ARRB1: variants seen among roughly 807,000 people sequenced by gnomAD.
The protein encoded by ARRB1 is arrestin beta 1.
In ARRB1, 21 loss-of-function variants were observed where a neutral mutation model predicts 56.8. That is an observed-to-expected ratio of 0.37 (90% CI 0.26 to 0.53). The LOEUF is 0.53. Ranked by LOEUF, ARRB1 falls within the 20% of genes least tolerant of loss-of-function variation. The pLI is 0.88. For synonymous variants in ARRB1, 210 were observed against 218.6 expected (o/e 0.96, Z 0.35); for missense variants, 424 against 553.7 (o/e 0.77, Z 2.35).
At chr11:75,328,923 G>A (rs1367353945) in intron 1 of ARRB1, among the ~76,000 whole-genome samples, 1 of 152,154 alleles carries the variant, frequency 6.6e-6, no homozygotes, top group Non-Finnish European at 1.5e-5. Context: ...TGAGTGGAAC[G>A]GGAACGGCTG....
intron 6 of ARRB1, 95 bp from the exon 7 acceptor site, chr11:75,281,237 G>C: frequency 8.3e-7 from 1 of 1,203,536 alleles, no homozygotes; most frequent in Non-Finnish European, 1.2e-6. Flanking sequence ...GAGGACACTG[G>C]ACAGGAACAC....
chr11:75,269,170 T>C (rs750175069), intron 13 of ARRB1: 1 of 740,126 alleles, frequency 1.4e-6, no homozygotes, highest in Non-Finnish European at 2.5e-6. Context: ...CAAAAAGAAA[T>C]GGAAGCCTCC....
intron 1 of ARRB1, among the ~76,000 whole-genome samples, chr11:75,346,975 G>T (rs551294213): frequency 1.3e-5 from 2 of 152,230 alleles, no homozygotes; most frequent in Non-Finnish European, 2.9e-5. Context: ...TGGTAGGCGC[G>T]GGCACTCTGG....
chr11:75,304,549 G>A lies in ARRB1; in HGVS notation c.21-14510C>T, dbSNP rs570731061. On this transcript the variant is annotated intron_variant, in intron 1 of 15. Transcript: ENST00000420843. ...TTTTTAAGAATTTTGTGAGGTAGTT[G>A]TTAAACACAGCCAGTACCGTTGGTT... Among the ~76,000 whole-genome samples, 4 of 151,772 alleles carry A rather than the reference G, an allele frequency of 2.6e-5. No individual in the cohort carries two copies. The South Asian group carries it at 6.2e-4, about 24-fold the overall frequency.
chr11:75,266,885 G>A lies in ARRB1; in HGVS notation c.1146-611C>T, dbSNP rs548684672. On this transcript the variant is annotated intron_variant, in intron 15 of 15. Coordinates refer to ENST00000420843, the MANE Select transcript of ARRB1 (RefSeq NM_004041.5). Reference sequence around the variant, plus strand: ...AGGAGGATGTGAATCTAAATAGGGGGGCAGAGGACCTGTTCGTGAGGAAAG... The same window carrying A: ...AGGAGGATGTGAATCTAAATAGGGGAGCAGAGGACCTGTTCGTGAGGAAAG... Among the ~76,000 whole-genome samples the A allele has an allele frequency of 3.3e-5, 5 of 152,278 alleles. No individual in the cohort carries two copies. The East Asian group carries it at 5.8e-4, about 18-fold the overall frequency.
In ARRB1 at chr11:75,336,512, G is replaced by A. The variant is rs550892322; in HGVS notation, c.20+15076C>T. Among the ~76,000 whole-genome samples the A allele has an allele frequency of 5.4e-4, 82 of 152,212 alleles. 1 individual carries two copies. Among genetic ancestry groups the A allele is most frequent in the South Asian group, 2.7e-3 (13 of 4,818 alleles). On this transcript the variant is annotated intron_variant, in intron 1 of 15. Coordinates refer to ENST00000420843, the MANE Select transcript of ARRB1 (RefSeq NM_004041.5). ...TCCTTCACTAATGCTTGCTTAATTCGTGGATATACCTACTCTACGAATCTT... is the reference window on the plus strand; with the variant it reads ...TCCTTCACTAATGCTTGCTTAATTCATGGATATACCTACTCTACGAATCTT...
intron 1 of ARRB1, among the ~76,000 whole-genome samples, chr11:75,295,935 A>G (rs1375019076): frequency 6.6e-6 from 1 of 152,190 alleles, no homozygotes; most frequent in Admixed American, 6.5e-5. Flanking sequence ...CTGTAATCCC[A>G]ACACTTTGGG....
At chr11:75,305,986 T>G (rs1947018622) in intron 1 of ARRB1, among the ~76,000 whole-genome samples, 2 of 152,110 alleles carry the variant, frequency 1.3e-5, no homozygotes, top group South Asian at 4.1e-4. Flanking sequence ...TCTGAGCACC[T>G]TCACCTTTAC....
Position 75,282,078 on chromosome 11 carries a change from T to G in ARRB1, c.355-57A>C, listed in dbSNP as rs769930912. The G allele has an allele frequency of 1.8e-5, 29 of 1,586,960 alleles. No homozygotes were observed. The East Asian group carries it at 6.5e-4, about 36-fold the overall frequency. ...TCACATCCACCACTGTCCTGTCTCATGTATTGCAGCCCAGACACTCCCATA... is the reference window on the plus strand; with the variant it reads ...TCACATCCACCACTGTCCTGTCTCAGGTATTGCAGCCCAGACACTCCCATA... On this transcript the variant is annotated intron_variant, in intron 5 of 15. Transcript: ENST00000420843.
At chr11:75,289,444 G>A (rs930297543) in intron 2 of ARRB1, among the ~76,000 whole-genome samples, 1 of 152,194 alleles carries the variant, frequency 6.6e-6, no homozygotes. Flanking sequence ...GTCTGCCTCT[G>A]CCATCTGGCT....
Position 75,342,697 on chromosome 11 carries a change from G to A in ARRB1, c.20+8891C>T, listed in dbSNP as rs112708754. Among the ~76,000 whole-genome samples the A allele has an allele frequency of 2.7e-3, 404 of 152,264 alleles. 1 individual carries two copies. The highest frequency in any genetic ancestry group is 9.0e-3 in the African/African-American group (375 of 41,554). On this transcript the variant is annotated intron_variant, in intron 1 of 15. Coordinates refer to ENST00000420843, the MANE Select transcript of ARRB1 (RefSeq NM_004041.5). ...TCAGTACATGACTGAGGATGAGGAT[G>A]AAGAATGGAGCGCGCCCTCCAGAGG... is the stretch of plus-strand genomic sequence containing the variant.
intron 15 of ARRB1, among the ~76,000 whole-genome samples, chr11:75,266,584 G>C (rs1292109298): frequency 6.6e-6 from 1 of 152,130 alleles, no homozygotes; most frequent in East Asian, 1.9e-4. Context: ...TTAGGAGGTG[G>C]GGGGAGCAGT....
chr11:75,284,758 C>G (rs1946432970), intron 3 of ARRB1, among the ~76,000 whole-genome samples: 1 of 152,016 alleles, frequency 6.6e-6, no homozygotes, highest in Non-Finnish European at 1.5e-5. Flanking sequence ...ACAAAAATAG[C>G]TGGGCATGGT....
chr11:75,265,895 G>A lies in ARRB1; in HGVS notation c.*268C>T. Reference sequence around the variant, plus strand: ...AGTCCAATTCCAAGGCCAGAGCCCTGGCAGCTTTTCTGGGAGACAGCATGA... The same window carrying A: ...AGTCCAATTCCAAGGCCAGAGCCCTAGCAGCTTTTCTGGGAGACAGCATGA... On this transcript the variant is annotated 3_prime_UTR_variant, in exon 16 of 16. Coordinates refer to ENST00000420843, the MANE Select transcript of ARRB1 (RefSeq NM_004041.5). The A allele has an allele frequency of 2.1e-6, 1 of 483,932 alleles. No individual in the cohort carries two copies. 30.0% of individuals were successfully genotyped at this position (483,932 alleles called of 1,614,324 possible).
intron 1 of ARRB1, 103 bp downstream of exon 1, chr11:75,351,485 G>A (rs1947850636): frequency 2.7e-6 from 4 of 1,466,362 alleles, no homozygotes; most frequent in East Asian, 2.9e-5. Flanking sequence ...TAGATCCCGC[G>A]GTGGCCGCGA....
rs368090391 is a variant in ARRB1, at chr11:75,267,774, G to A, written c.1094-71C>T. 411 of 1,361,348 alleles carry A rather than the reference G, an allele frequency of 3.0e-4. 1 individual carries two copies. The African/African-American group carries it at 4.1e-3, about 14-fold the overall frequency. The allele number at this position is 1,361,348 out of a possible 1,614,324, so 84.3% of individuals were successfully genotyped here. ...GATGAGCACGGGGCGAGTAAGCACA[G>A]GCCCCCACCCTGGGACAACCAGACT... On this transcript the variant is annotated intron_variant, in intron 14 of 15. Transcript: ENST00000420843.
At chr11:75,285,203 C>T (rs578141716) in intron 3 of ARRB1, among the ~76,000 whole-genome samples, 5 of 152,326 alleles carry the variant, frequency 3.3e-5, no homozygotes, top group South Asian at 2.1e-4. Flanking sequence ...GCTCCCGTGA[C>T]GACTGAATGG....
Position 75,278,722 on chromosome 11 carries a change from G to A in ARRB1, c.505C>T (p.Arg169Trp). ...CTCTCTGGGGCATACTGAACCTTCC[G>A]GATGACCAGACGCACAGAATTCCTA... The part of the protein sequence containing the change: ...HKRNSVRLVI[R>W]KVQYAPERPG... Residue 169 changes from arginine to tryptophan, a missense_variant, in exon 8 of 16, where the codon CGG becomes TGG. Physicochemically the swap from Arg to Trp is moderately radical, Grantham distance 101. Coordinates refer to ENST00000420843, the MANE Select transcript of ARRB1 (RefSeq NM_004041.5). 1.2e-6 allele frequency: 2 copies of A among 1,612,026 alleles called. No homozygotes were observed. Among genetic ancestry groups the A allele is most frequent in the East Asian group, 2.2e-5 (1 of 44,818 alleles).
intron 1 of ARRB1, among the ~76,000 whole-genome samples, chr11:75,299,576 C>G (rs1204850399): frequency 1.3e-5 from 2 of 152,104 alleles, no homozygotes; most frequent in Non-Finnish European, 2.9e-5. Context: ...TGAGATCCCT[C>G]CCCAGGCCTA....
Sources: gnomAD v4.1 joint callset for allele counts (sites outside exome capture counted in the v4.1 genomes callset) on GRCh38, gnomAD v4.1.1 for gene constraint, MANE v1.5 for transcripts, NCBI Gene and HGNC (gene_info 2026-07-23, HGNC 2026-07-21) for gene names.